Variants in MARCHF6 observed in about 807,000 individuals in gnomAD.
MARCHF6 encodes membrane associated ring-CH-type finger 6.
MARCHF6 carries 31 observed loss-of-function variants against 133.7 expected under a neutral mutation model. That is an observed-to-expected ratio of 0.23 (90% CI 0.17 to 0.31). The LOEUF is 0.31. Among genes scored for constraint, MARCHF6 ranks in the 10% least tolerant of loss-of-function variants. The probability of loss-of-function intolerance (pLI) is 1.00; values close to 1 mark genes in which losing one functional copy is unlikely to be tolerated. For missense variants in MARCHF6, 723 were observed against 1,121.6 expected, an observed-to-expected ratio of 0.64 and a Z score of 5.08; for synonymous variants, 395 against 402.5, an observed-to-expected ratio of 0.98 and a Z score of 0.22.
At chr5:10,364,393 A>T (rs1448339658) in intron 1 of MARCHF6, among the ~76,000 whole-genome samples, 1 of 152,192 alleles carries the variant, frequency 6.6e-6, no homozygotes, top group Non-Finnish European at 1.5e-5. Context: ...CCTCATCAGC[A>T]GGGCTGTATG....
chr5:10,359,960 C>T (rs1011299197), intron 1 of MARCHF6, among the ~76,000 whole-genome samples: 1 of 151,632 alleles, frequency 6.6e-6, no homozygotes, highest in African/African-American at 2.4e-5. Context: ...CAGCCGAGAT[C>T]GCGCCACTGC....
intron 1 of MARCHF6, among the ~76,000 whole-genome samples, chr5:10,358,755 G>A (rs552018030): frequency 6.6e-6 from 1 of 152,198 alleles, no homozygotes; most frequent in East Asian, 1.9e-4. Flanking sequence ...TAGTGAGAAA[G>A]TTAAAAAGTT....
intron 4 of MARCHF6, among the ~76,000 whole-genome samples, chr5:10,386,319 G>A (rs967042792): frequency 1.3e-5 from 2 of 152,182 alleles, no homozygotes; most frequent in African/African-American, 4.8e-5. Flanking sequence ...TGGTTTGAAA[G>A]AAAGCCTCAG....
intron 7 of MARCHF6, among the ~76,000 whole-genome samples, chr5:10,393,211 G>A (rs968637119): frequency 5.9e-5 from 9 of 152,014 alleles, no homozygotes; most frequent in African/African-American, 1.7e-4. Context: ...GACCACAGAT[G>A]TGTGCCATCA....
chr5:10,376,769 C>T (rs1176451428), intron 1 of MARCHF6, among the ~76,000 whole-genome samples: 1 of 152,200 alleles, frequency 6.6e-6, no homozygotes, highest in Non-Finnish European at 1.5e-5. Context: ...CCACGCACCA[C>T]ACTGCTCTCG....
chr5:10,387,194 C>G (rs1384793209), intron 5 of MARCHF6, 128 bp downstream of exon 5: 2 of 591,896 alleles, frequency 3.4e-6, no homozygotes, highest in Admixed American at 3.0e-5. Flanking sequence ...GTCTATTACA[C>G]TAACAGTTAT....
chr5:10,385,025 C>G (rs1737382248), intron 4 of MARCHF6, among the ~76,000 whole-genome samples: 1 of 152,174 alleles, frequency 6.6e-6, no homozygotes, highest in Non-Finnish European at 1.5e-5. Context: ...GAAAAAAGAG[C>G]TAACTATTGT....
intron 22 of MARCHF6, among the ~76,000 whole-genome samples, chr5:10,418,343 G>A (rs1004262266): frequency 4.7e-5 from 7 of 148,548 alleles, no homozygotes; most frequent in African/African-American, 1.8e-4. Flanking sequence ...TCATGCTACT[G>A]CACTCCAGCC....
chr5:10,387,273 GT>G (rs1561118070), intron 5 of MARCHF6, among the ~76,000 whole-genome samples: 1 of 150,816 alleles, frequency 6.6e-6, no homozygotes, highest in African/African-American at 2.4e-5. Context: ...TTATGGGACT[GT>G]TTTGTAATGA....
At chr5:10,423,876 T>C (rs1739947379) in intron 23 of MARCHF6, 52 bp downstream of exon 23, 2 of 1,381,466 alleles carry the variant, frequency 1.4e-6, no homozygotes, top group Non-Finnish European at 1.0e-6. Context: ...GTTGTGTTTA[T>C]GTTTGGCAGC....
chr5:10,364,833 C>T (rs373912423), intron 1 of MARCHF6, among the ~76,000 whole-genome samples: 7 of 152,264 alleles, frequency 4.6e-5, no homozygotes, highest in East Asian at 3.9e-4. Flanking sequence ...GATGGAGTTT[C>T]GCTCTTGTCG....
intron 1 of MARCHF6, chr5:10,354,784 C>CT (rs1488508705): frequency 1.7e-4 from 26 of 151,990 alleles, no homozygotes; most frequent in Non-Finnish European, 1.5e-5. Flanking sequence ...TGCTTTTCTA[C>CT]TTTAGGTATA....
In MARCHF6 at chr5:10,402,088, C is replaced by G; in HGVS notation, c.1002C>G (p.Ile334Met). The G allele has an allele frequency of 1.2e-6, 2 of 1,610,314 alleles. No homozygotes were observed. Among genetic ancestry groups the G allele is most frequent in the Non-Finnish European group, 1.7e-6 (2 of 1,176,950 alleles). Residue 334 changes from isoleucine to methionine, a missense_variant, in exon 12 of 26, where the codon ATC (isoleucine) becomes ATG (methionine). Physicochemically the swap from Ile to Met is conservative, Grantham distance 10. Coordinates refer to ENST00000274140, the MANE Select transcript of MARCHF6 (RefSeq NM_005885.4). ...AAGCATCTCATTTTGAAGGCCTAAT[C>G]ACAACCATAGTTGGGTATATACTTT... is the stretch of plus-strand genomic sequence containing the variant. ...HVQASHFEGL[I>M]TTIVGYILLA...
rs776766032 is a variant in MARCHF6, at chr5:10,386,978, T to C, written c.335-16T>C. ...TGCGAGTTGTGACTGTGTGCCATCATGCTCTTTTTCGGTAGGCCGCATCTA... is the reference window on the plus strand; with the variant it reads ...TGCGAGTTGTGACTGTGTGCCATCACGCTCTTTTTCGGTAGGCCGCATCTA... On this transcript the variant is annotated splice_polypyrimidine_tract_variant and intron_variant, in intron 4 of 25. Coordinates refer to ENST00000274140, the MANE Select transcript of MARCHF6 (RefSeq NM_005885.4). 2 of 1,609,320 alleles carry C rather than the reference T, an allele frequency of 1.2e-6. No individual in the cohort carries two copies. Among genetic ancestry groups the C allele is most frequent in the Non-Finnish European group, 1.7e-6 (2 of 1,175,720 alleles).
intron 4 of MARCHF6, among the ~76,000 whole-genome samples, chr5:10,384,152 G>A (rs1166610936): frequency 6.6e-6 from 1 of 152,130 alleles, no homozygotes; most frequent in African/African-American, 2.4e-5. Flanking sequence ...AAATTAATTT[G>A]AGATGAATTT....
At chr5:10,421,632 T>C (rs1739829440) in intron 22 of MARCHF6, among the ~76,000 whole-genome samples, 2 of 152,222 alleles carry the variant, frequency 1.3e-5, no homozygotes, top group African/African-American at 4.8e-5. Context: ...AGTGGGTTTT[T>C]GGAGAACGCG....
At chr5:10,415,415 A>G (rs1739450408) in intron 20 of MARCHF6, 73 bp from the exon 21 acceptor site, 1 of 1,333,362 alleles carries the variant, frequency 7.5e-7, no homozygotes, top group Non-Finnish European at 1.1e-6. Context: ...TGAAAATACT[A>G]ACATAACAAC....
At chr5:10,361,917 C>T (rs1735854096) in intron 1 of MARCHF6, among the ~76,000 whole-genome samples, 1 of 152,110 alleles carries the variant, frequency 6.6e-6, no homozygotes, top group Non-Finnish European at 1.5e-5. Flanking sequence ...GCATGCACCA[C>T]CACACCTGGC....
intron 4 of MARCHF6, among the ~76,000 whole-genome samples, chr5:10,384,659 C>A (rs1356342222): frequency 6.6e-6 from 1 of 152,118 alleles, no homozygotes; most frequent in Non-Finnish European, 1.5e-5. Flanking sequence ...TAGAGAAATG[C>A]ACAAGGAGGG....
Sources: allele counts gnomAD v4.1 joint callset (sites outside exome capture counted in the v4.1 genomes callset), GRCh38; gene constraint gnomAD v4.1.1; transcripts MANE v1.5; gene names NCBI Gene and HGNC (gene_info 2026-07-23, HGNC 2026-07-21).